Variants in THRAP3 observed in about 807,000 individuals in gnomAD.
THRAP3 encodes thyroid hormone receptor associated protein 3.
THRAP3 carries 16 observed loss-of-function variants against 101.0 expected under a neutral mutation model. The observed-to-expected ratio is 0.16, with a 90% CI of 0.11 to 0.24. The LOEUF (loss-of-function observed/expected upper bound fraction) is 0.24, where lower values mean the gene tolerates loss of function less well. THRAP3 is among the 10% of genes least tolerant of loss of function. The pLI, the probability that THRAP3 is intolerant of heterozygous loss-of-function variation, is 1.00. For synonymous variants in THRAP3, 407 were observed against 422.6 expected (o/e 0.96, Z 0.45); for missense variants, 989 against 1,202.7 (o/e 0.82, Z 2.63).
At chr1:36,281,888 A>G (rs1049501492) in intron 2 of THRAP3, among the ~76,000 whole-genome samples, 17 of 152,028 alleles carry the variant, frequency 1.1e-4, no homozygotes, top group Non-Finnish European at 1.9e-4. Flanking sequence ...CTTACCAACA[A>G]GGAGAAACCC....
In THRAP3 at chr1:36,305,144, C is replaced by T. The variant is rs1482714290; in HGVS notation, c.*1127C>T. 14 of 219,090 alleles carry T rather than the reference C, an allele frequency of 6.4e-5. No individual in the cohort carries two copies. The highest frequency in any genetic ancestry group is 2.0e-4 in the African/African-American group (9 of 44,402). 13.6% of individuals were successfully genotyped at this position (219,090 alleles called of 1,614,324 possible). A position where few individuals can be genotyped will look rare whatever the true frequency, so the allele number is the denominator to read the frequency against. ...GGTCCTGAGCAGGTGAATCATAAGGCATTTATGCATATGTTATATGCGGAC... is the reference window on the plus strand; with the variant it reads ...GGTCCTGAGCAGGTGAATCATAAGGTATTTATGCATATGTTATATGCGGAC... On this transcript the variant is annotated 3_prime_UTR_variant, in exon 12 of 12. Transcript: ENST00000354618.
intron 1 of THRAP3, among the ~76,000 whole-genome samples, chr1:36,237,382 C>T (rs1361327423): frequency 1.3e-5 from 2 of 150,508 alleles, no homozygotes; most frequent in Non-Finnish European, 3.0e-5. Context: ...GCAGGAGAAT[C>T]GCTTGAACCC....
chr1:36,282,394 AAAT>A, intron 2 of THRAP3, 136 bp from the exon 3 acceptor site: 2 of 633,154 alleles, frequency 3.2e-6, no homozygotes, highest in South Asian at 2.2e-5. Flanking sequence ...AATTAAAAAA[AAAT>A]TTTTTTTTTT....
chr1:36,292,081 G>C (rs1245125868), intron 6 of THRAP3, among the ~76,000 whole-genome samples: 1 of 151,924 alleles, frequency 6.6e-6, no homozygotes, highest in Non-Finnish European at 1.5e-5. Context: ...AGACATGGGA[G>C]CTACAGTGGA....
chr1:36,291,915 C>T (rs929392890), intron 6 of THRAP3, among the ~76,000 whole-genome samples: 2 of 152,062 alleles, frequency 1.3e-5, no homozygotes, highest in African/African-American at 4.8e-5. Flanking sequence ...TTCTATCATC[C>T]CCCTGGGCAA....
the THRAP3 span, among the ~76,000 whole-genome samples, chr1:36,211,312 G>A: frequency 1.8e-4 from 27 of 151,472 alleles, no homozygotes; most frequent in Non-Finnish European, 3.4e-4. Context: ...AGTCAGTTGT[G>A]ATCACACCAC....
intron 1 of THRAP3, among the ~76,000 whole-genome samples, chr1:36,228,192 C>T (rs1226952696): frequency 4.0e-5 from 6 of 151,758 alleles, no homozygotes; most frequent in Admixed American, 2.6e-4. Context: ...GGATTACAGG[C>T]GCCTGCCACC....
At chr1:36,291,617 A>C in intron 6 of THRAP3, 71 bp downstream of exon 6, 1 of 1,553,226 alleles carries the variant, frequency 6.4e-7, no homozygotes, top group South Asian at 1.2e-5. Context: ...ATGGGTGGAT[A>C]AGGAGTTTTG....
At chr1:36,291,195 A>G (rs866433760) in intron 5 of THRAP3, among the ~76,000 whole-genome samples, 179 bp from the exon 6 acceptor site, 1 of 152,244 alleles carries the variant, frequency 6.6e-6, no homozygotes, top group South Asian at 2.1e-4. Flanking sequence ...GAAAGAGAAG[A>G]GAGAGATTTT....
intron 1 of THRAP3, among the ~76,000 whole-genome samples, chr1:36,248,941 C>T (rs1443753798): frequency 2.6e-5 from 4 of 151,356 alleles, no homozygotes; most frequent in Admixed American, 6.6e-5. Context: ...GCTCTGTTTC[C>T]CAGGCTGGAG....
chr1:36,303,813 C>T lies in THRAP3; in HGVS notation c.2664C>T (p.Gly888=), dbSNP rs374496847. ...CCCCTCAGCATGATGACCGTGAAGG[C>T]GAAGGCAGTGACAAGTGGGTGAGCC... ...KKYYLHDDRE[G]EGSDKWVSRG... The change falls in exon 12 of 12, where the codon GGC becomes GGT. Residue 888 remains glycine, a synonymous_variant. Coordinates refer to ENST00000354618, the MANE Select transcript of THRAP3 (RefSeq NM_005119.4). The T allele has an allele frequency of 8.7e-6, 14 of 1,613,906 alleles. No homozygotes were observed. Among genetic ancestry groups the T allele is most frequent in the African/African-American group, 4.0e-5 (3 of 74,878 alleles).
Position 36,286,276 on chromosome 1 carries a change from A to G in THRAP3, c.138-92A>G. 7.6e-7 allele frequency: 1 copy of G among 1,309,250 alleles called. No individual in the cohort carries two copies. The highest frequency in any genetic ancestry group is 1.5e-5 in the South Asian group (1 of 68,194). 81.1% of individuals were successfully genotyped at this position (1,309,250 alleles called of 1,614,324 possible). ...GAAAACAAAACTGAAAGTGAATGACACATAAGGGCAGGGATTTCAGAACAG... is the reference window on the plus strand; with the variant it reads ...GAAAACAAAACTGAAAGTGAATGACGCATAAGGGCAGGGATTTCAGAACAG... On this transcript the variant is annotated intron_variant, in intron 3 of 11. Transcript: ENST00000354618. The surrounding 1 kb of genome is among the most constrained non-coding windows in gnomAD (Gnocchi z 5.5).
rs1367777447 is a variant in THRAP3 at position 36,286,212 on chromosome 1, G to A, written c.138-156G>A. On this transcript the variant is annotated intron_variant, in intron 3 of 11. Coordinates refer to ENST00000354618, the MANE Select transcript of THRAP3 (RefSeq NM_005119.4). This position sits in a 1 kb window ranked among gnomAD's most constrained non-coding sequence, Gnocchi z 5.5. ...ATCCATGTTTTTGTACTTAGTAAGG[G>A]CCATACGTAGTGGGATTAAATATTT... Among the ~76,000 whole-genome samples the A allele has an allele frequency of 1.3e-5, 2 of 152,186 alleles. No individual in the cohort carries two copies. The highest frequency in any genetic ancestry group is 2.9e-5 in the Non-Finnish European group (2 of 68,042).
At chr1:36,285,145 A>G (rs1172915541) in intron 3 of THRAP3, among the ~76,000 whole-genome samples, 2 of 152,210 alleles carry the variant, frequency 1.3e-5, no homozygotes, top group Non-Finnish European at 2.9e-5. Flanking sequence ...AAACTAGTAT[A>G]TTTGCTAACT....
At chr1:36,292,563 C>T (rs772855658) in intron 6 of THRAP3, 35 bp from the exon 7 acceptor site, 1 of 1,549,576 alleles carries the variant, frequency 6.5e-7, no homozygotes, top group Non-Finnish European at 8.9e-7. Context: ...AGCCACCATG[C>T]CTGGCCCATA....
the THRAP3 span, among the ~76,000 whole-genome samples, chr1:36,213,998 GA>G: frequency 2.7e-4 from 8 of 29,466 alleles, no homozygotes; most frequent in East Asian, 2.9e-3. Flanking sequence ...AGAAAGAAAG[GA>G]AAGAAAGAAA....
chr1:36,216,495 C>CAAAAAAA, the THRAP3 span, among the ~76,000 whole-genome samples: 1 of 56,422 alleles, frequency 1.8e-5, no homozygotes, highest in African/African-American at 7.4e-5. Flanking sequence ...GACTCCGTCT[C>CAAAAAAA]AAAAAAAAAA....
chr1:36,272,005 C>G (rs1645598745), intron 2 of THRAP3, among the ~76,000 whole-genome samples: 1 of 152,164 alleles, frequency 6.6e-6, no homozygotes, highest in African/African-American at 2.4e-5. Context: ...GCTGGGGTTA[C>G]AGGCCTGAGC....
intron 9 of THRAP3, 46 bp downstream of exon 9, chr1:36,296,816 C>T: frequency 6.7e-7 from 1 of 1,495,264 alleles, no homozygotes; most frequent in Non-Finnish European, 8.9e-7. Context: ...AGTTTCTTGT[C>T]TGTCCCCTTT....
Sources: allele counts gnomAD v4.1 joint callset (sites outside exome capture counted in the v4.1 genomes callset), GRCh38; gene constraint gnomAD v4.1.1; non-coding constraint Gnocchi (gnomAD v3.1); transcripts MANE v1.5; gene names NCBI Gene and HGNC (gene_info 2026-07-23, HGNC 2026-07-21).